The following DNER variants were observed in gnomAD, a reference collection of about 807,000 sequenced individuals.
The protein encoded by DNER is delta/notch like EGF repeat containing, also known as delta and Notch-like epidermal growth factor-related receptor.
Under a neutral mutation model 78.2 loss-of-function variants are expected in DNER, and 33 were observed. The observed-to-expected ratio is 0.42, with a 90% CI of 0.32 to 0.56. DNER has a LOEUF of 0.56. Ranked by LOEUF, DNER falls within the 20% of genes least tolerant of loss-of-function variation. The probability of loss-of-function intolerance (pLI) is 0.11; values close to 1 mark genes in which losing one functional copy is unlikely to be tolerated. For missense variants in DNER, 918 were observed against 975.3 expected, an observed-to-expected ratio of 0.94 and a Z score of 0.78; for synonymous variants, 417 against 384.8, an observed-to-expected ratio of 1.08 and a Z score of -0.98.
chr2:229,410,975 A>G (rs1264025529), intron 9 of DNER, among the ~76,000 whole-genome samples: 1 of 152,090 alleles, frequency 6.6e-6, no homozygotes, highest in Non-Finnish European at 1.5e-5. Flanking sequence ...AGATCTCAAC[A>G]TTTTCTAAAC....
At chr2:229,670,909 A>C (rs1215735182) in intron 1 of DNER, among the ~76,000 whole-genome samples, 1 of 152,228 alleles carries the variant, frequency 6.6e-6, no homozygotes, top group East Asian at 1.9e-4. Flanking sequence ...GTATAGGTCT[A>C]GTGTATAATT....
chr2:229,600,457 T>G (rs79267008), intron 1 of DNER, among the ~76,000 whole-genome samples: 4,663 of 152,288 alleles, frequency 0.031, 217 homozygotes, highest in African/African-American at 0.097. Context: ...TATCTTGAAC[T>G]GGGCCCTACA....
intron 1 of DNER, among the ~76,000 whole-genome samples, chr2:229,653,201 A>G (rs1698850896): frequency 6.6e-6 from 1 of 152,150 alleles, no homozygotes; most frequent in Non-Finnish European, 1.5e-5. Context: ...TCGGGGAGAA[A>G]ATCACCAGCC....
chr2:229,393,427 A>G (rs2106338346), intron 10 of DNER, among the ~76,000 whole-genome samples: 1 of 152,220 alleles, frequency 6.6e-6, no homozygotes, highest in South Asian at 2.1e-4. Context: ...CTCCGTCTCA[A>G]AAAAAATAAA....
intron 6 of DNER, among the ~76,000 whole-genome samples, chr2:229,511,866 G>A (rs1020174888): frequency 2.0e-5 from 3 of 152,174 alleles, no homozygotes; most frequent in Admixed American, 2.0e-4. Flanking sequence ...AGCCCCATGT[G>A]AACTTTCTTC....
At chr2:229,694,222 T>C (rs1010924588) in intron 1 of DNER, among the ~76,000 whole-genome samples, 1 of 152,148 alleles carries the variant, frequency 6.6e-6, no homozygotes, top group Non-Finnish European at 1.5e-5. Flanking sequence ...TTTCAGAGGG[T>C]GCATGGAAAC....
intron 1 of DNER, among the ~76,000 whole-genome samples, chr2:229,612,788 G>T (rs1373037151): frequency 6.6e-6 from 1 of 151,676 alleles, no homozygotes; most frequent in African/African-American, 2.4e-5. Flanking sequence ...TTTTATGAAG[G>T]ACTCAGTTAT....
intron 1 of DNER, among the ~76,000 whole-genome samples, chr2:229,665,517 G>A (rs2154216680): frequency 6.6e-6 from 1 of 152,182 alleles, no homozygotes; most frequent in East Asian, 1.9e-4. Flanking sequence ...ATTAGAAAAT[G>A]TAACATTATG....
intron 5 of DNER, among the ~76,000 whole-genome samples, chr2:229,543,312 G>A (rs1478537631): frequency 6.6e-6 from 1 of 152,146 alleles, no homozygotes; most frequent in Admixed American, 6.5e-5. Context: ...TACCTGCCCG[G>A]TGCTAAACAC....
chr2:229,714,416 G>A lies in DNER; in HGVS notation c.8C>T (p.Pro3Leu). 8 of 1,152,418 alleles carry A rather than the reference G, an allele frequency of 6.9e-6. No individual in the cohort carries two copies. The highest frequency in any genetic ancestry group is 4.4e-5 in the East Asian group (1 of 22,562). The allele number at this position is 1,152,418 out of a possible 1,614,324, so 71.4% of individuals were successfully genotyped here. A position where few individuals can be genotyped will look rare whatever the true frequency, so the allele number is the denominator to read the frequency against. MQPRRAQAPGAQL... is the reference protein window; with the variant it reads MQLRRAQAPGAQL... ...CGCACCGGGCGCCTGGGCGCGGCGG[G>A]GCTGCATGGCCGGCCGGGAGGGCGC... is the stretch of plus-strand genomic sequence containing the variant. Residue 3 changes from proline (P) to leucine (L), a missense_variant, in exon 1 of 13, where the codon CCC (proline) becomes CTC (leucine). Coordinates refer to ENST00000341772, the MANE Select transcript of DNER (RefSeq NM_139072.4).
chr2:229,616,192 A>T (rs1698159378), intron 1 of DNER, among the ~76,000 whole-genome samples: 1 of 152,162 alleles, frequency 6.6e-6, no homozygotes, highest in Non-Finnish European at 1.5e-5. Flanking sequence ...GAGTGTGCCC[A>T]CTGATGCTAC....
At chr2:229,560,541 A>G (rs538567379) in intron 4 of DNER, among the ~76,000 whole-genome samples, 1 of 152,182 alleles carries the variant, frequency 6.6e-6, no homozygotes, top group East Asian at 1.9e-4. Flanking sequence ...CCCGCATCTC[A>G]CCCCTCAGAG....
chr2:229,379,396 T>C (rs969473331), intron 11 of DNER, among the ~76,000 whole-genome samples: 1 of 152,206 alleles, frequency 6.6e-6, no homozygotes, highest in Non-Finnish European at 1.5e-5. Flanking sequence ...TAAATTTGTT[T>C]TTCCAGGTTA....
At chr2:229,604,979 T>A (rs1697906218) in intron 1 of DNER, among the ~76,000 whole-genome samples, 1 of 152,186 alleles carries the variant, frequency 6.6e-6, no homozygotes, top group Non-Finnish European at 1.5e-5. Context: ...GCACGTGTGT[T>A]CAGATTGTCT....
intron 1 of DNER, among the ~76,000 whole-genome samples, chr2:229,679,679 G>A (rs756824290): frequency 2.2e-4 from 34 of 152,310 alleles, no homozygotes; most frequent in Middle Eastern, 3.4e-3. Flanking sequence ...TATTCTGCCT[G>A]TCTGATGGCC....
intron 8 of DNER, among the ~76,000 whole-genome samples, chr2:229,425,852 G>A (rs138632782): frequency 0.011 from 1,657 of 152,294 alleles, 30 homozygotes; most frequent in Non-Finnish European, 0.011. Context: ...GAAGACCATG[G>A]TGCTGTGATC....
chr2:229,711,361 T>C (rs567284305), intron 1 of DNER, among the ~76,000 whole-genome samples: 3 of 152,292 alleles, frequency 2.0e-5, no homozygotes, highest in Non-Finnish European at 2.9e-5. Context: ...GATCCCATCG[T>C]TGAAGATGAG....
chr2:229,577,443 G>A (rs1968183), intron 4 of DNER, among the ~76,000 whole-genome samples: 125,278 of 152,056 alleles, frequency 0.82, 52,232 homozygotes, highest in Non-Finnish European at 0.89. Flanking sequence ...GAGGCAGGAG[G>A]AATATTTGAG....
intron 7 of DNER, among the ~76,000 whole-genome samples, chr2:229,455,963 C>T (rs1694562817): frequency 1.3e-5 from 2 of 152,082 alleles, no homozygotes; most frequent in Middle Eastern, 3.2e-3. Context: ...AGATTCAGGT[C>T]CAAGCTCCTA....
Sources: allele counts gnomAD v4.1 joint callset (sites outside exome capture counted in the v4.1 genomes callset), GRCh38; gene constraint gnomAD v4.1.1; transcripts MANE v1.5; gene names NCBI Gene and HGNC (gene_info 2026-07-23, HGNC 2026-07-21).